Variants in EXOC2 observed in about 807,000 individuals in gnomAD.
EXOC2 encodes the protein SEC5-like 1.
A neutral mutation model predicts 131.8 loss-of-function variants in EXOC2; 70 were observed. That is an observed-to-expected ratio of 0.53 (90% confidence interval 0.44 to 0.65). The LOEUF is 0.65. Among genes scored for constraint, EXOC2 ranks in the 30% least tolerant of loss-of-function variants. The pLI is 0.00. For missense variants in EXOC2, 923 were observed against 1,108.6 expected, an observed-to-expected ratio of 0.83 and a Z score of 2.38; for synonymous variants, 411 against 398.4, an observed-to-expected ratio of 1.03 and a Z score of -0.38.
At chr6:496,868 C>A (rs528980332) in intron 25 of EXOC2, among the ~76,000 whole-genome samples, 3 of 152,314 alleles carry the variant, frequency 2.0e-5, no homozygotes, top group East Asian at 3.9e-4. Context: ...AGCTCCCAGG[C>A]AGAAGTGCAC....
intron 22 of EXOC2, among the ~76,000 whole-genome samples, chr6:533,753 G>A (rs1255800723): frequency 6.6e-6 from 1 of 152,168 alleles, no homozygotes; most frequent in Admixed American, 6.5e-5. Context: ...AGTCTGGGGT[G>A]TGGAGAGTCT....
intron 1 of EXOC2, among the ~76,000 whole-genome samples, chr6:645,557 G>C (rs1762541558): frequency 6.6e-6 from 1 of 150,654 alleles, no homozygotes; most frequent in Non-Finnish European, 1.5e-5. Context: ...AACACATAAA[G>C]AACTTTTGCA....
intron 11 of EXOC2, among the ~76,000 whole-genome samples, chr6:580,111 G>T (rs1009138527): frequency 3.3e-5 from 5 of 149,404 alleles, no homozygotes; most frequent in African/African-American, 1.2e-4. Flanking sequence ...GCACAATCTT[G>T]GCTCACTGCA....
chr6:492,338 C>T lies in EXOC2; in HGVS notation c.2560-1152G>A, dbSNP rs545142956. Among the ~76,000 whole-genome samples the T allele has an allele frequency of 4.6e-5, 7 of 152,266 alleles. No individual in the cohort carries two copies. In the East Asian group the frequency reaches 7.7e-4, roughly 17 times the overall value. On this transcript the variant is annotated intron_variant, in intron 25 of 27. Coordinates refer to ENST00000230449, the MANE Select transcript of EXOC2 (RefSeq NM_018303.6). ...AGGAATGTCTGCCACTTTGGAGAAC[C>T]GTCTGGCAGTTCCTCAGAAGATTAA...
chr6:615,066 T>C (rs1342261634), intron 6 of EXOC2, among the ~76,000 whole-genome samples: 1 of 152,120 alleles, frequency 6.6e-6, no homozygotes, highest in African/African-American at 2.4e-5. Flanking sequence ...TTTTAAATGA[T>C]TTAAAAATTA....
intron 7 of EXOC2, 72 bp from the exon 8 acceptor site, chr6:599,297 G>T: frequency 7.2e-7 from 1 of 1,388,154 alleles, no homozygotes. Flanking sequence ...CTGGGCACTA[G>T]AAACAAAATG....
chr6:631,182 G>C (rs944828545), intron 3 of EXOC2, among the ~76,000 whole-genome samples: 1 of 152,186 alleles, frequency 6.6e-6, no homozygotes, highest in South Asian at 2.1e-4. Flanking sequence ...CTCAGCACTC[G>C]TGGTTCTGCC....
At chr6:510,514 A>G (rs1259335310) in intron 23 of EXOC2, among the ~76,000 whole-genome samples, 1 of 152,154 alleles carries the variant, frequency 6.6e-6, no homozygotes, top group African/African-American at 2.4e-5. Flanking sequence ...TACATGGTTT[A>G]TTTTTTCCCA....
chr6:499,648 T>C lies in EXOC2; in HGVS notation c.2433A>G (p.Ala811=). The C allele has an allele frequency of 6.2e-7, 1 of 1,613,406 alleles. No homozygotes were observed. Among genetic ancestry groups the C allele is most frequent in the Non-Finnish European group, 8.5e-7 (1 of 1,179,376 alleles). The change falls in exon 24 of 28, where the codon GCA becomes GCG. Residue 811 remains alanine, a synonymous_variant. Transcript: ENST00000230449. ...EALVNIIAVH[A]EVFTISKELV... Reference sequence around the variant, plus strand: ...GGAACATCTAATGATACTTTACCTCTGCATGCACGGCAATTATATTCACCA... The same window carrying C: ...GGAACATCTAATGATACTTTACCTCCGCATGCACGGCAATTATATTCACCA...
At chr6:594,292 C>A (rs373261322) in intron 10 of EXOC2, among the ~76,000 whole-genome samples, 1 of 152,214 alleles carries the variant, frequency 6.6e-6, no homozygotes, top group Non-Finnish European at 1.5e-5. Context: ...CTTTTATTAC[C>A]TGAACGATAA....
At chr6:606,114 G>A (rs1440186561) in intron 7 of EXOC2, among the ~76,000 whole-genome samples, 1 of 152,152 alleles carries the variant, frequency 6.6e-6, no homozygotes, top group Admixed American at 6.5e-5. Context: ...CGTGTCCTTC[G>A]TAGGGACATG....
chr6:556,207 C>T (rs537847626), intron 18 of EXOC2, among the ~76,000 whole-genome samples, 194 bp from the exon 19 acceptor site: 15 of 152,230 alleles, frequency 9.9e-5, no homozygotes, highest in African/African-American at 2.6e-4. Context: ...GAGAAGACAA[C>T]GCAGTCCTGG....
chr6:554,678 T>G (rs1757326883), intron 20 of EXOC2, among the ~76,000 whole-genome samples: 1 of 151,978 alleles, frequency 6.6e-6, no homozygotes, highest in Non-Finnish European at 1.5e-5. Context: ...GAGCATAAAG[T>G]ACACAGAAGT....
At chr6:594,045 C>A (rs369280741) in intron 10 of EXOC2, among the ~76,000 whole-genome samples, 16 of 152,214 alleles carry the variant, frequency 1.1e-4, no homozygotes, top group Admixed American at 5.9e-4. Flanking sequence ...ATCTCCTCCC[C>A]CTTGTGACCA....
At chr6:606,349 T>C (rs745545196) in intron 7 of EXOC2, among the ~76,000 whole-genome samples, 4 of 152,058 alleles carry the variant, frequency 2.6e-5, no homozygotes, top group Non-Finnish European at 4.4e-5. Context: ...CACACCAACA[T>C]GGCACATGTA....
At chr6:678,299 G>C (rs1186937724) in intron 1 of EXOC2, among the ~76,000 whole-genome samples, 1 of 152,156 alleles carries the variant, frequency 6.6e-6, no homozygotes, top group Non-Finnish European at 1.5e-5. Context: ...ATTTCTATCA[G>C]TTTTCTCATC....
chr6:680,707 T>A (rs1764364682), intron 1 of EXOC2, among the ~76,000 whole-genome samples: 1 of 152,142 alleles, frequency 6.6e-6, no homozygotes, highest in Admixed American at 6.6e-5. Context: ...GGGGTGGTGC[T>A]CATTTCTCCT....
chr6:575,234 C>T (rs781346205), intron 12 of EXOC2, among the ~76,000 whole-genome samples: 1 of 152,174 alleles, frequency 6.6e-6, no homozygotes, highest in Admixed American at 6.5e-5. Flanking sequence ...CCTAATGGAA[C>T]ACCATTTACA....
At chr6:627,167 T>A (rs1347208193) in intron 4 of EXOC2, among the ~76,000 whole-genome samples, 1 of 151,392 alleles carries the variant, frequency 6.6e-6, no homozygotes, top group Non-Finnish European at 1.5e-5. Flanking sequence ...CTTCCTTTTA[T>A]CTTTCTCTAA....
Sources: allele counts gnomAD v4.1 joint callset (sites outside exome capture counted in the v4.1 genomes callset), GRCh38; gene constraint gnomAD v4.1.1; transcripts MANE v1.5; gene names NCBI Gene and HGNC (gene_info 2026-07-23, HGNC 2026-07-21).